Variants in DLGAP2 observed in about 807,000 individuals in gnomAD.
The protein encoded by DLGAP2 is DLG associated protein 2.
In DLGAP2, 26 loss-of-function variants were observed where a neutral mutation model predicts 100.3. The ratio of observed to expected loss-of-function variants is 0.26; its 90% CI spans 0.19 to 0.36. The LOEUF is 0.36. Among genes scored for constraint, DLGAP2 ranks in the 10% least tolerant of loss-of-function variants. DLGAP2 has a pLI of 1.00. For missense variants in DLGAP2, 1,858 were observed against 1,453.2 expected (o/e 1.28, Z -4.53); for synonymous variants, 886 against 630.1 (o/e 1.41, Z -6.08).
At chr8:851,903 G>A (rs1797189288) in intron 1 of DLGAP2, among the ~76,000 whole-genome samples, 4 of 152,154 alleles carry the variant, frequency 2.6e-5, no homozygotes, top group Admixed American at 2.0e-4. Context: ...AATACCTGGA[G>A]CTGTCTTTAT....
At chr8:1,663,212 G>C (rs183287081) in intron 8 of DLGAP2, among the ~76,000 whole-genome samples, 2 of 151,686 alleles carry the variant, frequency 1.3e-5, no homozygotes, top group South Asian at 2.1e-4. Flanking sequence ...GTGTGTACAC[G>C]TGTGAGTGTG....
chr8:1,455,707 C>A (rs559785975), intron 3 of DLGAP2, among the ~76,000 whole-genome samples: 1 of 152,352 alleles, frequency 6.6e-6, no homozygotes, highest in Admixed American at 6.5e-5. Context: ...CCACGCCCCC[C>A]ATTTATATAT....
intron 3 of DLGAP2, among the ~76,000 whole-genome samples, chr8:1,411,370 A>G (rs980336444): frequency 1.3e-5 from 2 of 152,260 alleles, no homozygotes; most frequent in African/African-American, 2.4e-5. Flanking sequence ...ATGTTGATAC[A>G]TATGGGTTTC....
rs1185345119 is a variant in DLGAP2 at position 1,221,557 on chromosome 8, C to G, written c.74-37294C>G. Among the ~76,000 whole-genome samples, 4 of 152,122 alleles carry G rather than the reference C, an allele frequency of 2.6e-5. 1 individual carries two copies. The highest frequency in any genetic ancestry group is 9.7e-5 in the African/African-American group (4 of 41,400). ...TTTTTTCATGCTGACTTTGGAGAAC[C>G]TGATGACTATGTGTCCTGGGGATTG... On this transcript the variant is annotated intron_variant, in intron 2 of 14. Transcript: ENST00000637795.
chr8:1,441,834 C>G lies in DLGAP2; in HGVS notation c.107-59532C>G, dbSNP rs142994618. Among the ~76,000 whole-genome samples the G allele has an allele frequency of 1.0e-3, 157 of 150,190 alleles. No individual in the cohort carries two copies. In the East Asian group the frequency reaches 0.017, roughly 16 times the overall value. On this transcript the variant is annotated intron_variant, in intron 3 of 14. Coordinates refer to ENST00000637795, the MANE Select transcript of DLGAP2 (RefSeq NM_001346810.2). ...ATTTAATTTAAAGTTCTGGGATGTG[C>G]AGGACATGCAGGTTTGTTACGTAGG...
At chr8:1,627,067 G>A (rs75404598) in intron 7 of DLGAP2, among the ~76,000 whole-genome samples, 180 bp downstream of exon 7, 3,144 of 152,358 alleles carry the variant, frequency 0.021, 120 homozygotes, top group African/African-American at 0.072. Context: ...TGGACTTACT[G>A]TTATATTTTT....
chr8:995,265 C>G (rs1037183406), intron 2 of DLGAP2, among the ~76,000 whole-genome samples: 1 of 152,080 alleles, frequency 6.6e-6, no homozygotes, highest in Non-Finnish European at 1.5e-5. Flanking sequence ...GTGTGTTGCA[C>G]TTAGAATAAG....
intron 2 of DLGAP2, among the ~76,000 whole-genome samples, chr8:1,012,746 C>A (rs1403391488): frequency 2.1e-5 from 3 of 139,886 alleles, no homozygotes; most frequent in African/African-American, 8.1e-5. Flanking sequence ...CCCACTTCAG[C>A]GGCAGTGTGG....
At chr8:1,515,741 C>T (rs372771573) in intron 4 of DLGAP2, among the ~76,000 whole-genome samples, 20 of 123,862 alleles carry the variant, frequency 1.6e-4, no homozygotes, top group East Asian at 1.1e-3. Context: ...CACTCACACA[C>T]TTGTATGCAC....
chr8:822,664 C>T (rs1326152287), intron 1 of DLGAP2, among the ~76,000 whole-genome samples: 1 of 152,198 alleles, frequency 6.6e-6, no homozygotes, highest in Non-Finnish European at 1.5e-5. Context: ...TTTCAAATAG[C>T]AGTCTGAACT....
intron 3 of DLGAP2, among the ~76,000 whole-genome samples, chr8:1,364,690 G>A (rs146948199): frequency 1.2e-4 from 19 of 152,354 alleles, no homozygotes; most frequent in Non-Finnish European, 2.6e-4. Context: ...CTGGCAAGGA[G>A]GACTCCAATT....
intron 2 of DLGAP2, among the ~76,000 whole-genome samples, chr8:1,158,192 GT>G (rs1230038178): frequency 6.6e-6 from 1 of 152,178 alleles, no homozygotes; most frequent in African/African-American, 2.4e-5. Flanking sequence ...AAATTTGCCA[GT>G]TTGAATAAGC....
chr8:826,737 G>A (rs189317452), intron 1 of DLGAP2, among the ~76,000 whole-genome samples: 1 of 152,134 alleles, frequency 6.6e-6, no homozygotes, highest in African/African-American at 2.4e-5. Flanking sequence ...TCTGCTGCTC[G>A]AGGGACCTCA....
intron 3 of DLGAP2, among the ~76,000 whole-genome samples, chr8:1,365,990 C>T (rs1287933647): frequency 1.3e-5 from 2 of 152,232 alleles, no homozygotes; most frequent in Non-Finnish European, 2.9e-5. Context: ...CTTGGGAAAC[C>T]TCCCCTCACG....
rs368107666 is a variant in DLGAP2, at chr8:1,670,135, T to C, written c.2202+351T>C. ...TGCCAGACACTCCCACCCTCTCTCT[T>C]TTCTCCTCAGCCACCTCCCACAGGT... On this transcript the variant is annotated intron_variant, in intron 10 of 14. Transcript: ENST00000637795. Among the ~76,000 whole-genome samples, 10 of 152,222 alleles carry C rather than the reference T, an allele frequency of 6.6e-5. No homozygotes were observed. In the East Asian group the frequency reaches 1.4e-3, roughly 21 times the overall value.
At chr8:1,130,490 T>G (rs1240711690) in intron 2 of DLGAP2, among the ~76,000 whole-genome samples, 1 of 152,174 alleles carries the variant, frequency 6.6e-6, no homozygotes, top group Non-Finnish European at 1.5e-5. Context: ...CAGGAATTTG[T>G]GTCTAAAAAG....
chr8:1,012,133 C>A (rs60631122), intron 2 of DLGAP2, among the ~76,000 whole-genome samples: 3,263 of 152,254 alleles, frequency 0.021, 119 homozygotes, highest in African/African-American at 0.075. Flanking sequence ...CCAGGTGCAG[C>A]GGTATCCCCT....
intron 3 of DLGAP2, among the ~76,000 whole-genome samples, chr8:1,338,765 G>A (rs1321183958): frequency 6.6e-6 from 1 of 152,218 alleles, no homozygotes; most frequent in Non-Finnish European, 1.5e-5. Flanking sequence ...TACGCACCCT[G>A]TGGAGACTGA....
intron 1 of DLGAP2, among the ~76,000 whole-genome samples, chr8:849,063 CTGTTCCAGTATAGAATCTTGTGGTGCA>C (rs1269702875): frequency 1.3e-5 from 2 of 151,672 alleles, no homozygotes; most frequent in Non-Finnish European, 2.9e-5. Flanking sequence ...TGTGCCGTGT[CTGTTCCAGTATAGAATCTTGTGGTGCA>C]TGTTCCAGTA....
Sources: gnomAD v4.1 joint callset for allele counts (sites outside exome capture counted in the v4.1 genomes callset) on GRCh38, gnomAD v4.1.1 for gene constraint, MANE v1.5 for transcripts, NCBI Gene and HGNC (gene_info 2026-07-23, HGNC 2026-07-21) for gene names.